The following ZNF804B variants were observed in gnomAD, a reference collection of about 807,000 sequenced individuals.
ZNF804B encodes the protein zinc finger 804B.
ZNF804B carries 80 observed loss-of-function variants against 101.4 expected under a neutral mutation model. The ratio of observed to expected loss-of-function variants is 0.79; its 90% CI spans 0.66 to 0.95. The LOEUF is 0.95. Ranked by LOEUF, ZNF804B falls within the 40% of genes least tolerant of loss-of-function variation. The pLI is 0.00. For missense variants in ZNF804B, 1,673 were observed against 1,561.9 expected (o/e 1.07, Z -1.20); for synonymous variants, 622 against 558.8 (o/e 1.11, Z -1.59).
intron 2 of ZNF804B, among the ~76,000 whole-genome samples, chr7:89,244,548 C>A (rs1430332714): frequency 6.6e-6 from 1 of 151,988 alleles, no homozygotes; most frequent in East Asian, 1.9e-4. Context: ...AATAAAAAAG[C>A]TGTAACTCTG....
At chr7:89,245,897 AGT>A (rs1267537485) in intron 2 of ZNF804B, among the ~76,000 whole-genome samples, 1 of 152,206 alleles carries the variant, frequency 6.6e-6, no homozygotes, top group East Asian at 1.9e-4. Flanking sequence ...TGAGGATCTA[AGT>A]AACCCAGGGA....
intron 1 of ZNF804B, among the ~76,000 whole-genome samples, chr7:88,949,110 T>C (rs1458323831): frequency 6.6e-6 from 1 of 151,934 alleles, no homozygotes; most frequent in African/African-American, 2.4e-5. Flanking sequence ...TGTTAATCTT[T>C]ACAACTACTT....
At chr7:89,276,357 T>G (rs146674645) in intron 2 of ZNF804B, among the ~76,000 whole-genome samples, 5 of 151,886 alleles carry the variant, frequency 3.3e-5, no homozygotes, top group African/African-American at 1.2e-4. Context: ...GTTATATAGG[T>G]AAAAGACCCC....
chr7:88,909,697 A>G (rs145307213), intron 1 of ZNF804B, among the ~76,000 whole-genome samples: 38 of 151,610 alleles, frequency 2.5e-4, no homozygotes, highest in Non-Finnish European at 3.8e-4. Flanking sequence ...CTAGCAATCA[A>G]TTTAGTTTGA....
intron 1 of ZNF804B, among the ~76,000 whole-genome samples, chr7:89,194,801 T>A (rs1788519838): frequency 1.3e-5 from 2 of 151,332 alleles, no homozygotes; most frequent in South Asian, 4.2e-4. Context: ...TGCGGGCTCT[T>A]TTTTGCTTCC....
intron 1 of ZNF804B, among the ~76,000 whole-genome samples, chr7:88,775,083 G>A (rs767072619): frequency 1.1e-4 from 16 of 152,284 alleles, no homozygotes; most frequent in South Asian, 4.1e-4. Context: ...AAGGAAGATA[G>A]GCAACAAACA....
intron 1 of ZNF804B, among the ~76,000 whole-genome samples, chr7:88,975,789 TG>T (rs1793608314): frequency 6.6e-6 from 1 of 151,708 alleles, no homozygotes; most frequent in Admixed American, 6.6e-5. Flanking sequence ...TGATTGCACT[TG>T]TCCATTTTTG....
chr7:89,208,868 C>T (rs1417191850), intron 1 of ZNF804B, among the ~76,000 whole-genome samples: 2 of 151,938 alleles, frequency 1.3e-5, no homozygotes, highest in Non-Finnish European at 2.9e-5. Flanking sequence ...AAAAATTAGC[C>T]GGGCGAGCTG....
chr7:88,801,855 T>C (rs1562797856), intron 1 of ZNF804B, among the ~76,000 whole-genome samples: 1 of 152,084 alleles, frequency 6.6e-6, no homozygotes, highest in Non-Finnish European at 1.5e-5. Flanking sequence ...GGAGGAAAAA[T>C]AGTTATTCAC....
intron 1 of ZNF804B, among the ~76,000 whole-genome samples, chr7:88,945,758 T>C (rs1391415224): frequency 7.9e-5 from 12 of 152,124 alleles, no homozygotes; most frequent in Admixed American, 7.2e-4. Context: ...TGTCCTCTCA[T>C]TTCCTTGAGC....
intron 1 of ZNF804B, among the ~76,000 whole-genome samples, chr7:89,138,758 A>ATCACTATCTCATGAGAAT (rs1461875995): frequency 1.3e-5 from 2 of 152,054 alleles, no homozygotes; most frequent in African/African-American, 4.8e-5. Context: ...GATAGTGAAT[A>ATCACTATCTCATGAGAAT]AGTCTCATGA....
chr7:89,238,878 C>A (rs1367334300), intron 2 of ZNF804B, among the ~76,000 whole-genome samples: 1 of 152,154 alleles, frequency 6.6e-6, no homozygotes, highest in Non-Finnish European at 1.5e-5. Context: ...GCAGACCTGA[C>A]TTTCCAGACT....
intron 1 of ZNF804B, among the ~76,000 whole-genome samples, chr7:89,171,391 C>T (rs1791232235): frequency 1.5e-5 from 2 of 134,894 alleles, no homozygotes; most frequent in Non-Finnish European, 1.6e-5. Context: ...TCTTCCTCTT[C>T]TTCCTCTTCT....
intron 1 of ZNF804B, among the ~76,000 whole-genome samples, chr7:89,102,794 A>G (rs1450335144): frequency 6.6e-6 from 1 of 151,868 alleles, no homozygotes; most frequent in East Asian, 1.9e-4. Context: ...GTTTTCTTCT[A>G]ATATTTTTAT....
chr7:89,036,224 G>A (rs1410345758), intron 1 of ZNF804B, among the ~76,000 whole-genome samples: 1 of 150,960 alleles, frequency 6.6e-6, no homozygotes, highest in Non-Finnish European at 1.5e-5. Flanking sequence ...TTAGTTATTT[G>A]CAAATTATTG....
chr7:89,025,391 C>G, intron 1 of ZNF804B, among the ~76,000 whole-genome samples: 1 of 151,972 alleles, frequency 6.6e-6, no homozygotes, highest in South Asian at 2.1e-4. Context: ...ATCTTAAGAG[C>G]TTGGAGTCTA....
intron 1 of ZNF804B, among the ~76,000 whole-genome samples, chr7:88,793,437 T>C (rs576596321): frequency 6.6e-6 from 1 of 152,212 alleles, no homozygotes; most frequent in Admixed American, 6.5e-5. Flanking sequence ...AGAGGGATGT[T>C]CAATAAATGA....
chr7:88,993,016 A>G (rs914081957), intron 1 of ZNF804B, among the ~76,000 whole-genome samples: 2 of 151,996 alleles, frequency 1.3e-5, no homozygotes, highest in African/African-American at 2.4e-5. Context: ...CAAAGATCAC[A>G]TATTTTATTA....
chr7:89,201,482 T>C (rs1788635973), intron 1 of ZNF804B, among the ~76,000 whole-genome samples: 1 of 151,960 alleles, frequency 6.6e-6, no homozygotes. Context: ...TATTGTACAC[T>C]ACTTGGTTGA....
Sources: gnomAD v4.1 joint callset for allele counts (sites outside exome capture counted in the v4.1 genomes callset) on GRCh38, gnomAD v4.1.1 for gene constraint, MANE v1.5 for transcripts, NCBI Gene and HGNC (gene_info 2026-07-23, HGNC 2026-07-21) for gene names.